IMMP2L: variants seen among roughly 807,000 people sequenced by gnomAD.
IMMP2L encodes mitochondrial inner membrane protease subunit 2.
Under a neutral mutation model 19.3 loss-of-function variants are expected in IMMP2L, and 18 were observed. That is an observed-to-expected ratio of 0.93 (90% CI 0.64 to 1.38). IMMP2L has a LOEUF of 1.38. IMMP2L is among the 40% of genes most tolerant of loss of function. IMMP2L has a pLI of 0.00. For synonymous variants in IMMP2L, 76 were observed against 73.0 expected, an observed-to-expected ratio of 1.04 and a Z score of -0.21; for missense variants, 233 against 218.2, an observed-to-expected ratio of 1.07 and a Z score of -0.43.
intron 3 of IMMP2L, among the ~76,000 whole-genome samples, chr7:111,093,661 T>C (rs2107147): frequency 0.71 from 107,931 of 151,960 alleles, 40,521 homozygotes; most frequent in East Asian, 0.88. Context: ...AGATCAGTAA[T>C]GTGCCCACTT....
intron 3 of IMMP2L, among the ~76,000 whole-genome samples, chr7:111,121,124 G>A (rs989972314): frequency 1.8e-4 from 27 of 152,248 alleles, no homozygotes; most frequent in East Asian, 7.7e-4. Flanking sequence ...ACCTTTTAAC[G>A]ATTAAATTTC....
At chr7:110,775,816 A>C (rs537244084) in intron 5 of IMMP2L, among the ~76,000 whole-genome samples, 5 of 152,180 alleles carry the variant, frequency 3.3e-5, no homozygotes, top group South Asian at 2.1e-4. Context: ...TAAAAAAAAA[A>C]CATGGGAATT....
In IMMP2L at chr7:111,414,988, T is replaced by A. The variant is rs550915526; in HGVS notation, c.239+72250A>T. On this transcript the variant is annotated intron_variant, in intron 3 of 5. Transcript: ENST00000405709. ...ATGATAGTTTTCACTCCCAGTATGA[T>A]GTTACATTATATGACAAGCATGAAA... Among the ~76,000 whole-genome samples, 64 of 151,918 alleles carry A rather than the reference T, an allele frequency of 4.2e-4. 2 individuals carry two copies. The highest frequency in any genetic ancestry group is 1.5e-3 in the African/African-American group (63 of 41,262).
intron 2 of IMMP2L, among the ~76,000 whole-genome samples, chr7:111,502,998 C>T (rs566122346): frequency 1.3e-5 from 2 of 150,622 alleles, no homozygotes; most frequent in South Asian, 2.1e-4. Flanking sequence ...AATAGAGACA[C>T]AAAAAACCCT....
intron 2 of IMMP2L, among the ~76,000 whole-genome samples, chr7:111,496,691 G>A (rs967027973): frequency 1.3e-5 from 2 of 152,100 alleles, no homozygotes; most frequent in African/African-American, 4.8e-5. Context: ...TAGACTCTGG[G>A]ACTTGAACCA....
intron 3 of IMMP2L, among the ~76,000 whole-genome samples, chr7:111,043,822 C>CA (rs1205099896): frequency 6.6e-6 from 1 of 151,918 alleles, no homozygotes; most frequent in Non-Finnish European, 1.5e-5. Flanking sequence ...AAACAGGAAG[C>CA]AAAAAACAGT....
At chr7:111,280,369 A>C (rs572413657) in intron 3 of IMMP2L, among the ~76,000 whole-genome samples, 1 of 151,974 alleles carries the variant, frequency 6.6e-6, no homozygotes. Context: ...CTCTTCACCT[A>C]CCTAAGGTGG....
At chr7:110,915,645 A>G (rs1237570674) in intron 4 of IMMP2L, among the ~76,000 whole-genome samples, 1 of 152,236 alleles carries the variant, frequency 6.6e-6, no homozygotes, top group Non-Finnish European at 1.5e-5. Flanking sequence ...CACATACAGT[A>G]GCTATAGATA....
At chr7:111,365,533 A>G (rs1829686199) in intron 3 of IMMP2L, among the ~76,000 whole-genome samples, 2 of 152,156 alleles carry the variant, frequency 1.3e-5, no homozygotes, top group South Asian at 2.1e-4. Flanking sequence ...GAATTAAAAC[A>G]TCATAGGTTC....
intron 2 of IMMP2L, among the ~76,000 whole-genome samples, chr7:111,498,385 A>G (rs1046325672): frequency 6.6e-6 from 1 of 152,182 alleles, no homozygotes; most frequent in Non-Finnish European, 1.5e-5. Context: ...AGACTGCTAT[A>G]TATAAAATAA....
chr7:111,404,091 T>C (rs530080639), intron 3 of IMMP2L, among the ~76,000 whole-genome samples: 1 of 152,232 alleles, frequency 6.6e-6, no homozygotes, highest in Admixed American at 6.5e-5. Context: ...TAGCTCACAG[T>C]ACTTTATCTA....
intron 5 of IMMP2L, among the ~76,000 whole-genome samples, chr7:110,852,776 G>A (rs1378037078): frequency 2.0e-5 from 3 of 151,870 alleles, no homozygotes; most frequent in Non-Finnish European, 4.4e-5. Context: ...TAGAAACCCC[G>A]GCCACATAGA....
chr7:111,380,344 T>C (rs994297390), intron 3 of IMMP2L, among the ~76,000 whole-genome samples: 1 of 151,978 alleles, frequency 6.6e-6, no homozygotes, highest in African/African-American at 2.4e-5. Context: ...AGCCAGATAA[T>C]GATCGTTTGT....
At chr7:111,139,648 GTTGTTCTTT>G (rs1243713140) in intron 3 of IMMP2L, among the ~76,000 whole-genome samples, 1 of 152,044 alleles carries the variant, frequency 6.6e-6, no homozygotes, top group Non-Finnish European at 1.5e-5. Flanking sequence ...CATCTAGAAA[GTTGTTCTTT>G]TTGTAACAGA....
At chr7:111,052,490 C>T (rs944623297) in intron 3 of IMMP2L, among the ~76,000 whole-genome samples, 10 of 152,200 alleles carry the variant, frequency 6.6e-5, no homozygotes, top group Non-Finnish European at 1.0e-4. Flanking sequence ...ATTTTGGAAT[C>T]CATTTATGTC....
intron 3 of IMMP2L, among the ~76,000 whole-genome samples, chr7:111,172,193 T>C (rs1263548008): frequency 6.6e-6 from 1 of 151,458 alleles, no homozygotes; most frequent in East Asian, 1.9e-4. Context: ...TTTCATAATA[T>C]AAATATGCAG....
At chr7:111,189,688 T>C (rs190238814) in intron 3 of IMMP2L, among the ~76,000 whole-genome samples, 24 of 152,226 alleles carry the variant, frequency 1.6e-4, no homozygotes, top group African/African-American at 5.8e-4. Flanking sequence ...ATATTTTTAA[T>C]ACAGAAAAGC....
At chr7:111,056,541 C>T (rs1793524947) in intron 3 of IMMP2L, among the ~76,000 whole-genome samples, 1 of 152,162 alleles carries the variant, frequency 6.6e-6, no homozygotes, top group Non-Finnish European at 1.5e-5. Context: ...TTACAGGTGA[C>T]CCTTGAACAT....
intron 3 of IMMP2L, among the ~76,000 whole-genome samples, chr7:111,475,102 T>C (rs755383956): frequency 1.6e-4 from 25 of 152,096 alleles, no homozygotes; most frequent in African/African-American, 3.6e-4. Context: ...CCAACATCCA[T>C]ACAATTTTTA....
Sources: allele counts gnomAD v4.1 joint callset (sites outside exome capture counted in the v4.1 genomes callset), GRCh38; gene constraint gnomAD v4.1.1; transcripts MANE v1.5; gene names NCBI Gene and HGNC (gene_info 2026-07-23, HGNC 2026-07-21).